MCF2L2: variants seen among roughly 807,000 people sequenced by gnomAD.
The protein encoded by MCF2L2 is probable guanine nucleotide exchange factor MCF2L2.
Under a neutral mutation model 150.2 loss-of-function variants are expected in MCF2L2, and 102 were observed. That is an observed-to-expected ratio of 0.68 (90% CI 0.58 to 0.80). The LOEUF is 0.80. MCF2L2 is among the 30% of genes least tolerant of loss of function. The pLI, the probability that MCF2L2 is intolerant of heterozygous loss-of-function variation, is 0.00. For synonymous variants in MCF2L2, 465 were observed against 491.3 expected (o/e 0.95, Z 0.71); for missense variants, 1,256 against 1,372.8 (o/e 0.91, Z 1.34).
At chr3:183,222,236 C>A (rs1161340220) in intron 20 of MCF2L2, among the ~76,000 whole-genome samples, 1 of 152,104 alleles carries the variant, frequency 6.6e-6, no homozygotes, top group East Asian at 1.9e-4. Flanking sequence ...GCCTCAGTTT[C>A]TTCACAGTCC....
Position 183,229,797 on chromosome 3 carries a change from C to T in MCF2L2, c.1930-16G>A. The T allele has an allele frequency of 8.5e-7, 1 of 1,177,338 alleles. No individual in the cohort carries two copies. Among genetic ancestry groups the T allele is most frequent in the Non-Finnish European group, 1.3e-6 (1 of 798,496 alleles). The allele number at this position is 1,177,338 out of a possible 1,614,324, so 72.9% of individuals were successfully genotyped here. A position where few individuals can be genotyped will look rare whatever the true frequency, so the allele number is the denominator to read the frequency against. ...TGATATATCCCTGCAGAGGTGCAAACAAGGTAGGTGTTACAAACAGGAACA... is the reference window on the plus strand; with the variant it reads ...TGATATATCCCTGCAGAGGTGCAAATAAGGTAGGTGTTACAAACAGGAACA... On this transcript the variant is annotated splice_polypyrimidine_tract_variant and intron_variant, in intron 16 of 29. Transcript: ENST00000328913.
At chr3:183,279,217 T>C (rs1203832379) in intron 14 of MCF2L2, among the ~76,000 whole-genome samples, 1 of 152,058 alleles carries the variant, frequency 6.6e-6, no homozygotes, top group Admixed American at 6.5e-5. Flanking sequence ...ACTGATGAGA[T>C]ATCTTTTATT....
chr3:183,228,026 T>TAC (rs144915150), intron 18 of MCF2L2: 10 of 140,250 alleles, frequency 7.1e-5, no homozygotes, highest in Non-Finnish European at 1.2e-4. Flanking sequence ...TATATATACA[T>TAC]ATACACACAC....
chr3:183,311,701 A>G lies in MCF2L2; in HGVS notation c.825T>C (p.Cys275=). 6.2e-7 allele frequency: 1 copy of G among 1,614,060 alleles called. No homozygotes were observed. ...GGTTGAGATTGAGTTTGCTGTTGGG[A>G]CATTTGGTTGCTGGTTCTTGGATGC... ...LSCIQEPATK[C]PNSKLNLNQL... is the part of the protein sequence containing the mutation. Residue 275 remains cysteine, a synonymous_variant, in exon 8 of 30, where the codon TGT becomes TGC. Transcript: ENST00000328913.
intron 3 of MCF2L2, among the ~76,000 whole-genome samples, chr3:183,370,878 T>A (rs1712833732): frequency 6.6e-6 from 1 of 152,208 alleles, no homozygotes; most frequent in African/African-American, 2.4e-5. Flanking sequence ...AAATCTAGCC[T>A]CTCTGGTATC....
At chr3:183,388,881 C>T (rs1713979170) in intron 2 of MCF2L2, among the ~76,000 whole-genome samples, 1 of 152,076 alleles carries the variant, frequency 6.6e-6, no homozygotes, top group Non-Finnish European at 1.5e-5. Context: ...TTTAATATCC[C>T]ATGTTGTAGA....
At position 183,210,641 on chromosome 3, in the gene MCF2L2, G is replaced by C. The variant is rs1192079732; in HGVS notation, c.2497-2818C>G. On this transcript the variant is annotated intron_variant, in intron 22 of 29. Transcript: ENST00000328913. ...AAGTAATTCTAGAAGAGGCTAGGATGATAGGGGAAGGGGGAATAAGTCGAG... is the reference window on the plus strand; with the variant it reads ...AAGTAATTCTAGAAGAGGCTAGGATCATAGGGGAAGGGGGAATAAGTCGAG... Among the ~76,000 whole-genome samples the C allele has an allele frequency of 1.3e-4, 20 of 152,198 alleles. 1 individual carries two copies. Among genetic ancestry groups the C allele is most frequent in the Admixed American group, 1.3e-3 (20 of 15,284 alleles).
At chr3:183,415,911 T>C (rs1715563513) in intron 1 of MCF2L2, among the ~76,000 whole-genome samples, 1 of 152,140 alleles carries the variant, frequency 6.6e-6, no homozygotes, top group Non-Finnish European at 1.5e-5. Context: ...ATGTCTGTCA[T>C]TTTATGTTTT....
At position 183,180,149 on chromosome 3, in the gene MCF2L2, G is replaced by T. The variant is rs2108625759; in HGVS notation, c.3027C>A (p.Ser1009Arg). The change falls in exon 28 of 30, where the codon AGC becomes AGA. Residue 1009 changes from serine to arginine, a missense_variant. Physicochemically the swap from Ser to Arg is moderately radical, Grantham distance 110. Transcript: ENST00000328913. ...AGGTGTCCATGGAGCTAAACTCCCT[G>T]CTGGAGCAGCCTTAGGGAGAGAAAG... ...SSTGGIKGCS[S>R]REFSSMDTFE... The T allele has an allele frequency of 2.5e-6, 4 of 1,612,272 alleles. No individual in the cohort carries two copies. Among genetic ancestry groups the T allele is most frequent in the Non-Finnish European group, 1.7e-6 (2 of 1,178,626 alleles).
chr3:183,350,713 T>G (rs1256325941), intron 3 of MCF2L2, among the ~76,000 whole-genome samples: 2 of 151,982 alleles, frequency 1.3e-5, no homozygotes, highest in African/African-American at 2.4e-5. Flanking sequence ...GACCATCCTG[T>G]CTAACACGGT....
intron 10 of MCF2L2, among the ~76,000 whole-genome samples, chr3:183,308,091 T>C (rs974957104): frequency 2.0e-5 from 3 of 152,236 alleles, no homozygotes; most frequent in African/African-American, 7.2e-5. Context: ...ATATCACTTG[T>C]TACTATCTGA....
chr3:183,205,304 G>A (rs982588170), intron 25 of MCF2L2, among the ~76,000 whole-genome samples: 13 of 152,150 alleles, frequency 8.5e-5, no homozygotes, highest in African/African-American at 3.1e-4. Flanking sequence ...TTGAACCTGG[G>A]AGGCAGAGGT....
At chr3:183,183,560 C>T (rs115339537) in intron 27 of MCF2L2, among the ~76,000 whole-genome samples, 4,251 of 152,276 alleles carry the variant, frequency 0.028, 198 homozygotes, top group African/African-American at 0.098. Flanking sequence ...CTCTGTCACT[C>T]ACTAGCTGTG....
chr3:183,409,470 A>G (rs1715209489), intron 1 of MCF2L2, among the ~76,000 whole-genome samples: 1 of 152,108 alleles, frequency 6.6e-6, no homozygotes, highest in Non-Finnish European at 1.5e-5. Context: ...ACTTACCATT[A>G]AACTTAATTA....
chr3:183,400,330 G>A, intron 1 of MCF2L2: 1 of 440,594 alleles, frequency 2.3e-6, no homozygotes, highest in East Asian at 7.2e-5. Context: ...TAAAACACAT[G>A]CATCCTTGCT....
intron 3 of MCF2L2, among the ~76,000 whole-genome samples, chr3:183,348,419 TA>T (rs113228686): frequency 4.1e-4 from 23 of 56,346 alleles, no homozygotes; most frequent in African/African-American, 3.0e-3. Flanking sequence ...GGGGGTCGGG[TA>T]GGGGGGGCGA....
At chr3:183,426,553 C>T (rs1323639401) in intron 1 of MCF2L2, among the ~76,000 whole-genome samples, 1 of 152,220 alleles carries the variant, frequency 6.6e-6, no homozygotes, top group African/African-American at 2.4e-5. Context: ...GGTCGAATGA[C>T]TTGTCCAGGG....
chr3:183,333,339 G>A (rs551810662), intron 5 of MCF2L2, among the ~76,000 whole-genome samples: 3 of 152,146 alleles, frequency 2.0e-5, no homozygotes, highest in Non-Finnish European at 4.4e-5. Context: ...GAGCCACTGC[G>A]TCCAGCCCTC....
At chr3:183,362,580 A>C (rs1044163396) in intron 3 of MCF2L2, among the ~76,000 whole-genome samples, 1 of 150,908 alleles carries the variant, frequency 6.6e-6, no homozygotes, top group African/African-American at 2.5e-5. Flanking sequence ...AAGAAGTAAT[A>C]GGTACAATTT....
Sources: gnomAD v4.1 joint callset for allele counts (sites outside exome capture counted in the v4.1 genomes callset) on GRCh38, gnomAD v4.1.1 for gene constraint, MANE v1.5 for transcripts, NCBI Gene and HGNC (gene_info 2026-07-23, HGNC 2026-07-21) for gene names.